Variants in DLG5 observed in about 807,000 individuals in gnomAD.
The protein encoded by DLG5 is disks large homolog 5.
In DLG5, 48 loss-of-function variants were observed where a neutral mutation model predicts 189.8. The ratio of observed to expected loss-of-function variants is 0.25; its 90% CI spans 0.20 to 0.32. The LOEUF is 0.32. Ranked by LOEUF, DLG5 falls within the 10% of genes least tolerant of loss-of-function variation. The pLI, the probability that DLG5 is intolerant of heterozygous loss-of-function variation, is 1.00. For missense variants in DLG5, 2,160 were observed against 2,544.7 expected (o/e 0.85, Z 3.25); for synonymous variants, 1,016 against 1,054.1 (o/e 0.96, Z 0.70).
At chr10:77,856,583 T>C (rs1040421004) in intron 3 of DLG5, 147 bp downstream of exon 3, 1 of 1,083,294 alleles carries the variant, frequency 9.2e-7, no homozygotes, top group South Asian at 1.6e-5. Context: ...TGGGAAGCAT[T>C]TCTGGACATG....
Position 77,819,301 on chromosome 10 carries a change from C to T in DLG5, c.3671+20G>A, listed in dbSNP as rs781332938. The T allele has an allele frequency of 1.5e-5, 24 of 1,613,388 alleles. No homozygotes were observed. The highest frequency in any genetic ancestry group is 1.6e-4 in the Middle Eastern group (1 of 6,078). On this transcript the variant is annotated intron_variant, in intron 17 of 31. Transcript: ENST00000372391. ...CTTGGGCAGCTGGAGTACAGAGAAG[C>T]GTAGGGTGCCTTCACATACCTGGGA... is the stretch of plus-strand genomic sequence containing the variant.
intron 31 of DLG5, chr10:77,793,227 A>C (rs1840726819): frequency 2.0e-5 from 3 of 152,784 alleles, no homozygotes; most frequent in Admixed American, 2.0e-4. Flanking sequence ...TATTTGGCTA[A>C]ATACCAGTCT....
intron 1 of DLG5, among the ~76,000 whole-genome samples, chr10:77,923,708 AG>A (rs1233372292): frequency 6.6e-6 from 1 of 152,124 alleles, no homozygotes; most frequent in Non-Finnish European, 1.5e-5. Context: ...CAGTGAGCCG[AG>A]ATTGTGCCAC....
intron 2 of DLG5, among the ~76,000 whole-genome samples, chr10:77,862,100 T>C (rs1455005699): frequency 6.6e-6 from 1 of 152,206 alleles, no homozygotes; most frequent in Non-Finnish European, 1.5e-5. Flanking sequence ...AGTTTTTGTC[T>C]TTTTACTTGC....
intron 1 of DLG5, among the ~76,000 whole-genome samples, chr10:77,904,094 T>C (rs1846006655): frequency 6.6e-6 from 1 of 152,180 alleles, no homozygotes; most frequent in African/African-American, 2.4e-5. Flanking sequence ...AGTGGGAGGA[T>C]AACTTGAGTC....
chr10:77,808,125 G>A, intron 24 of DLG5, 181 bp from the exon 25 acceptor site: 1 of 765,696 alleles, frequency 1.3e-6, no homozygotes, highest in Non-Finnish European at 2.0e-6. Flanking sequence ...TCCAGGTCCT[G>A]TGCATGCTCC....
At chr10:77,933,672 A>G in the DLG5 span, among the ~76,000 whole-genome samples, 2 of 148,634 alleles carry the variant, frequency 1.3e-5, no homozygotes, top group Non-Finnish European at 3.0e-5. Context: ...TGCAGTGAGG[A>G]GAGATCGTGC....
At chr10:77,871,601 G>A (rs1334256909) in intron 1 of DLG5, among the ~76,000 whole-genome samples, 1 of 129,248 alleles carries the variant, frequency 7.7e-6, no homozygotes, top group Non-Finnish European at 1.5e-5. Flanking sequence ...GGAGTGCAAT[G>A]GCGCGATCTC....
At chr10:77,927,137 C>A, upstream of DLG5, 1 of 158,406 alleles carries the variant, frequency 6.3e-6, no homozygotes, top group South Asian at 1.8e-4. Context: ...CCCAGGCCGT[C>A]CCTCCGGGAG....
chr10:77,833,665 A>T (rs1842982717), intron 9 of DLG5, among the ~76,000 whole-genome samples: 1 of 152,244 alleles, frequency 6.6e-6, no homozygotes, highest in Non-Finnish European at 1.5e-5. Flanking sequence ...GCCTTGGCAC[A>T]TGGTGCCTGC....
chr10:77,853,106 C>T (rs931170538), intron 5 of DLG5, among the ~76,000 whole-genome samples: 4 of 152,078 alleles, frequency 2.6e-5, no homozygotes, highest in Admixed American at 2.0e-4. Context: ...CCTCAACCTC[C>T]TGAGTAGCTA....
rs1366516333 is a variant in DLG5 at position 77,806,861 on chromosome 10, C to T, written c.4864G>A (p.Val1622Met). Residue 1622 changes from valine to methionine, a missense_variant, in exon 26 of 32, where the codon GTG (valine) becomes ATG (methionine). Val to Met is a conservative substitution (Grantham distance 21). Coordinates refer to ENST00000372391, the MANE Select transcript of DLG5 (RefSeq NM_004747.4). ...LSFKKDDILY[V>M]DDTLPQGTFG... is the part of the protein sequence containing the mutation. Reference sequence around the variant, plus strand: ...GTGCCCTGGGGTAAGGTGTCATCCACGTAGAGGATGTCGTCCTTCTTAAAG... The same window carrying T: ...GTGCCCTGGGGTAAGGTGTCATCCATGTAGAGGATGTCGTCCTTCTTAAAG... 2 of 1,614,004 alleles carry T rather than the reference C, an allele frequency of 1.2e-6. No individual in the cohort carries two copies. Among genetic ancestry groups the T allele is most frequent in the South Asian group, 1.1e-5 (1 of 91,088 alleles).
intron 22 of DLG5, among the ~76,000 whole-genome samples, chr10:77,811,589 G>A (rs1049945861): frequency 2.8e-4 from 42 of 152,148 alleles, no homozygotes; most frequent in African/African-American, 9.6e-4. Flanking sequence ...ACAGCTCAGG[G>A]GCAGATACAG....
chr10:77,808,435 T>A (rs1341244093), intron 24 of DLG5, among the ~76,000 whole-genome samples: 3 of 152,080 alleles, frequency 2.0e-5, no homozygotes, highest in Non-Finnish European at 4.4e-5. Context: ...CCTGGCTAAT[T>A]TTTTTGTTTT....
intron 1 of DLG5, among the ~76,000 whole-genome samples, chr10:77,918,562 A>G (rs1455002871): frequency 6.6e-6 from 1 of 152,234 alleles, no homozygotes; most frequent in Admixed American, 6.5e-5. Flanking sequence ...TTAGAGGGAT[A>G]GACTGCCAAC....
At chr10:77,856,428 G>C (rs1189207670) in intron 3 of DLG5, among the ~76,000 whole-genome samples, 4 of 149,976 alleles carry the variant, frequency 2.7e-5, no homozygotes, top group African/African-American at 9.9e-5. Context: ...ACTCAACTTA[G>C]GCAGGTCTAG....
chr10:77,915,755 G>T (rs1846339784), intron 1 of DLG5, among the ~76,000 whole-genome samples: 1 of 152,218 alleles, frequency 6.6e-6, no homozygotes, highest in Non-Finnish European at 1.5e-5. Flanking sequence ...TGTTATCCCG[G>T]ATTTGAGACT....
At chr10:77,865,428 G>A (rs1388440889) in intron 2 of DLG5, among the ~76,000 whole-genome samples, 1 of 152,142 alleles carries the variant, frequency 6.6e-6, no homozygotes, top group African/African-American at 2.4e-5. Flanking sequence ...CCTGGGATAT[G>A]AGAGAAGCCC....
At chr10:77,830,408 A>T in intron 10 of DLG5, 64 bp from the exon 11 acceptor site, 1 of 1,607,106 alleles carries the variant, frequency 6.2e-7, no homozygotes, top group African/African-American at 1.3e-5. Context: ...TTGGCTCTTA[A>T]GCCCCGAAGC....
Sources: allele counts gnomAD v4.1 joint callset (sites outside exome capture counted in the v4.1 genomes callset), GRCh38; gene constraint gnomAD v4.1.1; transcripts MANE v1.5; gene names NCBI Gene and HGNC (gene_info 2026-07-23, HGNC 2026-07-21).